The following TTC13 variants were observed in gnomAD, a reference collection of about 807,000 sequenced individuals.
TTC13 encodes the protein tetratricopeptide repeat domain 13.
In TTC13, 62 loss-of-function variants were observed where a neutral mutation model predicts 120.0. That is an observed-to-expected ratio of 0.52 (90% CI 0.42 to 0.64). The LOEUF (loss-of-function observed/expected upper bound fraction) is 0.64, where lower values mean the gene tolerates loss of function less well. Ranked by LOEUF, TTC13 falls within the 30% of genes least tolerant of loss-of-function variation. The pLI is 0.00. For missense variants in TTC13, 824 were observed against 1,050.2 expected (o/e 0.78, Z 2.98); for synonymous variants, 384 against 393.5 (o/e 0.98, Z 0.28).
At chr1:230,918,885 A>T (rs1045447363) in intron 17 of TTC13, among the ~76,000 whole-genome samples, 1 of 152,192 alleles carries the variant, frequency 6.6e-6, no homozygotes, top group African/African-American at 2.4e-5. Flanking sequence ...CATCTACTAT[A>T]GCTGCAAGGA....
intron 19 of TTC13, among the ~76,000 whole-genome samples, chr1:230,911,984 T>C (rs1572171756): frequency 6.6e-6 from 1 of 152,150 alleles, no homozygotes; most frequent in Non-Finnish European, 1.5e-5. Context: ...TGTATAAACT[T>C]AGATGTTTAA....
intron 6 of TTC13, among the ~76,000 whole-genome samples, chr1:230,943,117 C>A (rs1442022823): frequency 6.6e-6 from 1 of 152,058 alleles, no homozygotes; most frequent in Non-Finnish European, 1.5e-5. Flanking sequence ...ACAGTCATAT[C>A]AAGTCTTGCT....
Position 230,933,866 on chromosome 1 carries a change from A to G in TTC13, c.901-5T>C. The G allele has an allele frequency of 1.3e-6, 2 of 1,569,438 alleles. No homozygotes were observed. Among genetic ancestry groups the G allele is most frequent in the Non-Finnish European group, 1.7e-6 (2 of 1,154,976 alleles). On this transcript the variant is annotated splice_polypyrimidine_tract_variant and splice_region_variant and intron_variant, in intron 8 of 22. Transcript: ENST00000366661. ...TTTGAAGGATTCAATAGCTTCCTAT[A>G]AAAAGTGTAGAGAAAATTATTTCAT... is the stretch of plus-strand genomic sequence containing the variant.
chr1:230,955,590 G>A (rs1259379862), intron 3 of TTC13, among the ~76,000 whole-genome samples: 1 of 148,152 alleles, frequency 6.7e-6, no homozygotes, highest in African/African-American at 2.5e-5. Context: ...AGAATGGCAT[G>A]AACCCAGGAG....
chr1:230,941,855 C>A (rs534901472), intron 6 of TTC13, among the ~76,000 whole-genome samples: 1 of 152,116 alleles, frequency 6.6e-6, no homozygotes, highest in East Asian at 1.9e-4. Flanking sequence ...AATTATCATA[C>A]CCCAGCACAA....
chr1:230,939,541 G>C, intron 7 of TTC13, 45 bp from the exon 8 acceptor site: 1 of 1,300,630 alleles, frequency 7.7e-7, no homozygotes, highest in Middle Eastern at 1.9e-4. Context: ...GTATTCATTA[G>C]ATATGTGAAC....
At chr1:230,938,370 C>A (rs1409873631) in intron 8 of TTC13, among the ~76,000 whole-genome samples, 1 of 152,174 alleles carries the variant, frequency 6.6e-6, no homozygotes, top group Non-Finnish European at 1.5e-5. Context: ...AGGCAGCTCC[C>A]CGTCAGGTTC....
At chr1:230,924,418 C>T (rs1672866036) in intron 14 of TTC13, among the ~76,000 whole-genome samples, 1 of 152,250 alleles carries the variant, frequency 6.6e-6, no homozygotes, top group East Asian at 1.9e-4. Context: ...CTGCAAGCTC[C>T]GCCTCCTGGG....
chr1:230,977,111 C>T (rs975061380), intron 1 of TTC13, among the ~76,000 whole-genome samples: 1 of 152,144 alleles, frequency 6.6e-6, no homozygotes, highest in Non-Finnish European at 1.5e-5. Context: ...AAGAAGATGA[C>T]AATTTCACTA....
chr1:230,913,842 C>A (rs16853141), intron 18 of TTC13, among the ~76,000 whole-genome samples: 2 of 152,108 alleles, frequency 1.3e-5, no homozygotes, highest in Non-Finnish European at 2.9e-5. Flanking sequence ...GCATTCCAGT[C>A]GGACTAGCAG....
At chr1:230,918,295 CA>C (rs1249836559) in intron 17 of TTC13, among the ~76,000 whole-genome samples, 1 of 152,198 alleles carries the variant, frequency 6.6e-6, no homozygotes, top group Admixed American at 6.5e-5. Context: ...CAGAAAACCA[CA>C]TCGCCAATGA....
At chr1:230,952,542 A>G (rs768523505) in intron 4 of TTC13, among the ~76,000 whole-genome samples, 5 of 152,214 alleles carry the variant, frequency 3.3e-5, no homozygotes, top group Non-Finnish European at 7.3e-5. Context: ...TCCCAGCTGA[A>G]AGCAACCCAT....
In TTC13 at chr1:230,929,002, C is replaced by A; in HGVS notation, c.1392G>T (p.Trp464Cys). Residue 464 changes from tryptophan to cysteine, a missense_variant, in exon 12 of 23, where the codon TGG (tryptophan) becomes TGT (cysteine). This residue lies in a region of TTC13 where 430 missense variants were observed against 626.8 expected (regional missense o/e 0.69). Coordinates refer to ENST00000366661, the MANE Select transcript of TTC13 (RefSeq NM_024525.5). ...CTATGAGGAAAGGCAAATTTTTAGCCCAGTGGTCCTTAAAGCTTCCAGGCA... is the reference window on the plus strand; with the variant it reads ...CTATGAGGAAAGGCAAATTTTTAGCACAGTGGTCCTTAAAGCTTCCAGGCA... ...VDLPGSFKDH[W>C]AKNLPFLIED... 1 of 1,614,130 alleles carries A rather than the reference C, an allele frequency of 6.2e-7. No individual in the cohort carries two copies. Among genetic ancestry groups the A allele is most frequent in the Non-Finnish European group, 8.5e-7 (1 of 1,180,008 alleles).
intron 1 of TTC13, among the ~76,000 whole-genome samples, chr1:230,975,592 T>A (rs976041507): frequency 3.9e-5 from 6 of 152,248 alleles, no homozygotes; most frequent in Non-Finnish European, 5.9e-5. Context: ...TTCATTTTTT[T>A]AAAATAATAT....
chr1:230,947,079 C>A (rs1159363248), intron 4 of TTC13, among the ~76,000 whole-genome samples: 2 of 151,910 alleles, frequency 1.3e-5, no homozygotes, highest in African/African-American at 4.8e-5. Context: ...TTAAAACAGA[C>A]ATGCTCATTT....
chr1:230,915,810 G>C (rs947496303), intron 18 of TTC13, among the ~76,000 whole-genome samples: 24 of 148,720 alleles, frequency 1.6e-4, no homozygotes, highest in African/African-American at 5.7e-4. Flanking sequence ...TATATATATA[G>C]ATTGGCTTTT....
At chr1:230,960,477 A>G (rs1017914987) in intron 2 of TTC13, among the ~76,000 whole-genome samples, 2 of 152,170 alleles carry the variant, frequency 1.3e-5, no homozygotes, top group Non-Finnish European at 2.9e-5. Context: ...CAAGTTGATT[A>G]CTATGCAGCG....
intron 8 of TTC13, among the ~76,000 whole-genome samples, chr1:230,938,715 C>T (rs1281173488): frequency 2.0e-5 from 3 of 152,194 alleles, no homozygotes; most frequent in Non-Finnish European, 4.4e-5. Context: ...TCCTCAGCCA[C>T]CACACTGTCA....
chr1:230,930,491 A>G (rs1043488406), intron 11 of TTC13, among the ~76,000 whole-genome samples: 1 of 152,226 alleles, frequency 6.6e-6, no homozygotes, highest in African/African-American at 2.4e-5. Context: ...GACAGGAGAT[A>G]AAAGGTGAGT....
Sources: allele counts gnomAD v4.1 joint callset (sites outside exome capture counted in the v4.1 genomes callset), GRCh38; gene constraint gnomAD v4.1.1; regional missense constraint gnomAD v4.1.1; transcripts MANE v1.5; gene names NCBI Gene and HGNC (gene_info 2026-07-23, HGNC 2026-07-21).